DPYD: variants seen among roughly 807,000 people sequenced by gnomAD.
The protein encoded by DPYD is dihydropyrimidine dehydrogenase, also known as dihydropyrimidine dehydrogenase [NADP(+)].
A neutral mutation model predicts 116.2 loss-of-function variants in DPYD; 109 were observed. The observed-to-expected ratio is 0.94, with a 90% CI of 0.80 to 1.10. The LOEUF is 1.10. Among genes scored for constraint, DPYD ranks in the 50% least tolerant of loss-of-function variants. DPYD has a pLI of 0.00. For missense variants in DPYD, 1,302 were observed against 1,254.5 expected (o/e 1.04, Z -0.57); for synonymous variants, 440 against 432.0 (o/e 1.02, Z -0.23).
At chr1:97,804,696 A>G (rs1459800829) in intron 3 of DPYD, among the ~76,000 whole-genome samples, 1 of 151,832 alleles carries the variant, frequency 6.6e-6, no homozygotes, top group Non-Finnish European at 1.5e-5. Flanking sequence ...TGCATATTCT[A>G]GCTGTAAAAA....
At chr1:97,305,935 G>A (rs543989971) in intron 17 of DPYD, among the ~76,000 whole-genome samples, 13 of 151,976 alleles carry the variant, frequency 8.6e-5, no homozygotes, top group African/African-American at 2.9e-4. Context: ...TGTGAAATAA[G>A]TGTTTATTAG....
intron 8 of DPYD, among the ~76,000 whole-genome samples, chr1:97,629,207 A>C (rs2100789510): frequency 6.6e-6 from 1 of 152,130 alleles, no homozygotes; most frequent in South Asian, 2.1e-4. Flanking sequence ...ATGAATTCTT[A>C]CCACTTACAT....
intron 2 of DPYD, among the ~76,000 whole-genome samples, chr1:97,882,303 T>G (rs1047818215): frequency 6.6e-6 from 1 of 151,906 alleles, no homozygotes; most frequent in African/African-American, 2.4e-5. Flanking sequence ...TCTTTTTTCA[T>G]TCAAAAAAAA....
chr1:97,333,599 C>T (rs2101175654), intron 16 of DPYD, among the ~76,000 whole-genome samples: 1 of 147,466 alleles, frequency 6.8e-6, no homozygotes, highest in African/African-American at 2.5e-5. Context: ...CAGCTCACTG[C>T]AATCTCCGCC....
intron 14 of DPYD, among the ~76,000 whole-genome samples, chr1:97,434,237 T>A (rs1469841132): frequency 2.0e-5 from 3 of 152,124 alleles, no homozygotes; most frequent in South Asian, 2.1e-4. Context: ...GATCAGTATA[T>A]AGATCAGAAA....
chr1:97,892,423 A>G (rs1462236777), intron 1 of DPYD, among the ~76,000 whole-genome samples: 5 of 151,816 alleles, frequency 3.3e-5, no homozygotes, highest in African/African-American at 4.8e-5. Flanking sequence ...TTAATATCTC[A>G]GAAATTCACA....
chr1:97,661,676 A>C (rs1294468139), intron 8 of DPYD, among the ~76,000 whole-genome samples: 1 of 152,166 alleles, frequency 6.6e-6, no homozygotes, highest in Admixed American at 6.5e-5. Context: ...TTGCAGAATA[A>C]CTTTATTGGT....
At chr1:97,653,653 T>C in intron 8 of DPYD, among the ~76,000 whole-genome samples, 1 of 152,150 alleles carries the variant, frequency 6.6e-6, no homozygotes, top group East Asian at 1.9e-4. Flanking sequence ...TGTATTCTCA[T>C]GATAATTTTT....
chr1:97,776,458 C>T (rs1461612250), intron 3 of DPYD, among the ~76,000 whole-genome samples: 1 of 152,132 alleles, frequency 6.6e-6, no homozygotes, highest in African/African-American at 2.4e-5. Context: ...TAGTTGCAGG[C>T]ACTGCTACCA....
At chr1:97,666,866 A>G (rs550244969) in intron 8 of DPYD, among the ~76,000 whole-genome samples, 1 of 152,318 alleles carries the variant, frequency 6.6e-6, no homozygotes, top group East Asian at 1.9e-4. Context: ...TCTATTAGAC[A>G]AAAGTTCACT....
intron 3 of DPYD, among the ~76,000 whole-genome samples, chr1:97,781,750 A>G (rs1666760521): frequency 6.6e-6 from 1 of 152,226 alleles, no homozygotes; most frequent in Non-Finnish European, 1.5e-5. Flanking sequence ...AGAAACCCTA[A>G]AAATTATACA....
At chr1:97,666,984 A>C (rs1250232136) in intron 8 of DPYD, among the ~76,000 whole-genome samples, 1 of 152,210 alleles carries the variant, frequency 6.6e-6, no homozygotes, top group African/African-American at 2.4e-5. Context: ...TCATCTGCTG[A>C]GCAAATCCGC....
chr1:97,661,636 A>G (rs1659263936), intron 8 of DPYD, among the ~76,000 whole-genome samples: 1 of 152,186 alleles, frequency 6.6e-6, no homozygotes, highest in Non-Finnish European at 1.5e-5. Context: ...CTTAAAGTCA[A>G]TCAAATTACA....
At chr1:97,569,074 T>A (rs1652722108) in intron 11 of DPYD, among the ~76,000 whole-genome samples, 1 of 152,074 alleles carries the variant, frequency 6.6e-6, no homozygotes, top group African/African-American at 2.4e-5. Flanking sequence ...ATTCAACAAA[T>A]CATAAAATTA....
chr1:97,108,351 C>T (rs1651333273), intron 20 of DPYD, among the ~76,000 whole-genome samples: 1 of 152,072 alleles, frequency 6.6e-6, no homozygotes, highest in Non-Finnish European at 1.5e-5. Context: ...TCTATGAGGT[C>T]CCTCCCAGTG....
At chr1:97,216,921 T>C (rs1219827145) in intron 19 of DPYD, among the ~76,000 whole-genome samples, 1 of 150,864 alleles carries the variant, frequency 6.6e-6, no homozygotes, top group African/African-American at 2.4e-5. Flanking sequence ...AAAACCTTAA[T>C]TGAGGATCTG....
At chr1:97,531,514 A>G (rs1254697381) in intron 12 of DPYD, among the ~76,000 whole-genome samples, 1 of 152,334 alleles carries the variant, frequency 6.6e-6, no homozygotes, top group East Asian at 1.9e-4. Flanking sequence ...TTATGCCAGT[A>G]GCATACTACT....
At chr1:97,163,602 T>C (rs1344008842) in intron 20 of DPYD, among the ~76,000 whole-genome samples, 1 of 152,128 alleles carries the variant, frequency 6.6e-6, no homozygotes, top group East Asian at 1.9e-4. Context: ...GAGTTTGGTT[T>C]CTGCTTTCTA....
At chr1:97,429,885 AG>A (rs979084441) in intron 14 of DPYD, among the ~76,000 whole-genome samples, 2 of 151,992 alleles carry the variant, frequency 1.3e-5, no homozygotes, top group Admixed American at 1.3e-4. Context: ...GTTGTGGAGA[AG>A]GGGGGGTAAT....
Sources: gnomAD v4.1 joint callset for allele counts (sites outside exome capture counted in the v4.1 genomes callset) on GRCh38, gnomAD v4.1.1 for gene constraint, MANE v1.5 for transcripts, NCBI Gene and HGNC (gene_info 2026-07-23, HGNC 2026-07-21) for gene names.